The following LRFN2 variants were observed in gnomAD, a reference collection of about 807,000 sequenced individuals.
The protein encoded by LRFN2 is leucine rich repeat and fibronectin type III domain containing 2, also known as leucine-rich repeat and fibronectin type-III domain-containing protein 2.
LRFN2 carries 18 observed loss-of-function variants against 37.3 expected under a neutral mutation model. That is an observed-to-expected ratio of 0.48 (90% CI 0.33 to 0.72). The LOEUF (loss-of-function observed/expected upper bound fraction) is 0.72, where lower values mean the gene tolerates loss of function less well. Among genes scored for constraint, LRFN2 ranks in the 30% least tolerant of loss-of-function variants. LRFN2 has a pLI of 0.02. For synonymous variants in LRFN2, 556 were observed against 466.6 expected, an observed-to-expected ratio of 1.19 and a Z score of -2.47; for missense variants, 1,006 against 1,060.7, an observed-to-expected ratio of 0.95 and a Z score of 0.72.
At chr6:40,480,740 C>G (rs2070298530) in intron 1 of LRFN2, among the ~76,000 whole-genome samples, 2 of 152,166 alleles carry the variant, frequency 1.3e-5, no homozygotes, top group African/African-American at 4.8e-5. Context: ...GAATAAATCC[C>G]TAGCCTGCAG....
chr6:40,459,067 G>T (rs931953083), intron 1 of LRFN2, among the ~76,000 whole-genome samples: 4 of 152,182 alleles, frequency 2.6e-5, no homozygotes, highest in Non-Finnish European at 5.9e-5. Flanking sequence ...TGGTTTCCAA[G>T]AACTCATGAG....
At chr6:40,552,815 G>A (rs933057877) in intron 1 of LRFN2, among the ~76,000 whole-genome samples, 1 of 151,814 alleles carries the variant, frequency 6.6e-6, no homozygotes, top group African/African-American at 2.4e-5. Context: ...GCCAATCTTT[G>A]TCCATAAGCA....
rs1440006437 is a variant in LRFN2, at chr6:40,392,512, T to C, written c.1801A>G (p.Lys601Glu). 3.8e-6 allele frequency: 6 copies of C among 1,587,396 alleles called. No individual in the cohort carries two copies. Among genetic ancestry groups the C allele is most frequent in the Non-Finnish European group, 5.1e-6 (6 of 1,168,946 alleles). The change falls in exon 3 of 3, where the codon AAG becomes GAG. Residue 601 changes from lysine to glutamate, a missense_variant. Physicochemically the swap from Lys to Glu is moderately conservative, Grantham distance 56 (BLOSUM62 1). This residue lies in a region of LRFN2 where 398 missense variants were observed against 327.6 expected (regional missense o/e 1.21). Transcript: ENST00000338305. This position sits in a 1 kb window ranked among gnomAD's most constrained non-coding sequence, Gnocchi z 4.7. The stretch of plus-strand genomic sequence containing the variant: ...AGGAGCTCGTTGCGCACCACCACCT[T>C]CGGCGGGCCCTGCGGCGGGGCCCCG... ...PAGAPPQGPP[K>E]VVVRNELLDF...
At chr6:40,466,261 G>A (rs1764464091) in intron 1 of LRFN2, among the ~76,000 whole-genome samples, 4 of 152,200 alleles carry the variant, frequency 2.6e-5, no homozygotes, top group African/African-American at 4.8e-5. Flanking sequence ...CAGGCAGCAA[G>A]GATAAAGGGA....
Position 40,502,187 on chromosome 6 carries a change from G to T in LRFN2, c.-18-69056C>A, listed in dbSNP as rs1458060363. On this transcript the variant is annotated intron_variant, in intron 1 of 2. Coordinates refer to ENST00000338305, the MANE Select transcript of LRFN2 (RefSeq NM_020737.3). ...GGAGTGTCATTATCCCCACTTTGCT[G>T]GTGAAGAAGATGAAGCCCACAGAAC... is the stretch of plus-strand genomic sequence containing the variant. The T allele has an allele frequency of 2.0e-5, 3 of 152,228 alleles. No homozygotes were observed. The East Asian group carries it at 5.8e-4, about 29-fold the overall frequency. The allele number at this position is 152,228 out of a possible 1,614,324, so 9.4% of individuals were successfully genotyped here.
intron 1 of LRFN2, among the ~76,000 whole-genome samples, chr6:40,504,507 C>T (rs1441695913): frequency 6.6e-6 from 1 of 152,112 alleles, no homozygotes; most frequent in Non-Finnish European, 1.5e-5. Flanking sequence ...ATGGTCATGA[C>T]TCATTATGAG....
intron 1 of LRFN2, among the ~76,000 whole-genome samples, chr6:40,508,600 T>G (rs1218293483): frequency 6.6e-6 from 1 of 152,206 alleles, no homozygotes; most frequent in Non-Finnish European, 1.5e-5. Context: ...TCGAGCAAGG[T>G]ACTTTACTCC....
At chr6:40,475,460 C>T (rs1488834353) in intron 1 of LRFN2, among the ~76,000 whole-genome samples, 1 of 152,124 alleles carries the variant, frequency 6.6e-6, no homozygotes, top group Non-Finnish European at 1.5e-5. Context: ...AGGTCCCAGG[C>T]CTCAGGGGCT....
chr6:40,476,710 G>A (rs1764715452), intron 1 of LRFN2, among the ~76,000 whole-genome samples: 3 of 152,258 alleles, frequency 2.0e-5, no homozygotes, highest in Non-Finnish European at 4.4e-5. Context: ...GGCTCCATGG[G>A]AAGAGGATAC....
In LRFN2 at chr6:40,443,253, C is replaced by T. The variant is rs151031276; in HGVS notation, c.-18-10122G>A. Among the ~76,000 whole-genome samples the T allele has an allele frequency of 3.8e-4, 58 of 152,290 alleles. No individual in the cohort carries two copies. The East Asian group carries it at 9.5e-3, about 25-fold the overall frequency. The stretch of plus-strand genomic sequence containing the variant: ...ACCAAGATACACAGAAACAAGAGGA[C>T]TTTTCAGCTGTGACTACCTTTACTG... On this transcript the variant is annotated intron_variant, in intron 1 of 2. Coordinates refer to ENST00000338305, the MANE Select transcript of LRFN2 (RefSeq NM_020737.3).
chr6:40,457,510 C>T (rs113327442), intron 1 of LRFN2, among the ~76,000 whole-genome samples: 5,499 of 151,958 alleles, frequency 0.036, 337 homozygotes, highest in African/African-American at 0.12. Context: ...CAGTGGCTCA[C>T]ACCTGTAATC....
chr6:40,412,547 C>G (rs1174456054), intron 2 of LRFN2, among the ~76,000 whole-genome samples: 1 of 152,140 alleles, frequency 6.6e-6, no homozygotes, highest in Non-Finnish European at 1.5e-5. Context: ...AGCTTTGCAA[C>G]CCCTAACAGG....
intron 1 of LRFN2, among the ~76,000 whole-genome samples, chr6:40,471,481 A>C (rs887582937): frequency 2.0e-5 from 3 of 152,098 alleles, no homozygotes; most frequent in Non-Finnish European, 4.4e-5. Context: ...CTGCCCTGGG[A>C]GAGGTGGTGT....
chr6:40,465,918 A>T (rs1414562396), intron 1 of LRFN2, among the ~76,000 whole-genome samples: 1 of 152,094 alleles, frequency 6.6e-6, no homozygotes, highest in Non-Finnish European at 1.5e-5. Flanking sequence ...TGGAAAAGAA[A>T]AGGTTGTGGG....
At chr6:40,410,254 T>A (rs752556) in intron 2 of LRFN2, among the ~76,000 whole-genome samples, 124,119 of 152,116 alleles carry the variant, frequency 0.82, 53,019 homozygotes, top group Non-Finnish European at 0.95. Context: ...TTGTTCAGCC[T>A]TGAGCAATTC....
In LRFN2 at chr6:40,392,511, T is replaced by A. The variant is rs780333674; in HGVS notation, c.1802A>T (p.Lys601Met). 1 of 1,587,424 alleles carries A rather than the reference T, an allele frequency of 6.3e-7. No homozygotes were observed. The highest frequency in any genetic ancestry group is 1.3e-5 in the African/African-American group (1 of 74,408). ...CAGGAGCTCGTTGCGCACCACCACC[T>A]TCGGCGGGCCCTGCGGCGGGGCCCC... ...PAGAPPQGPP[K>M]VVVRNELLDF... Residue 601 changes from lysine (K) to methionine (M), a missense_variant, in exon 3 of 3, where the codon AAG becomes ATG. Coordinates refer to ENST00000338305, the MANE Select transcript of LRFN2 (RefSeq NM_020737.3). The surrounding 1 kb of genome is among the most constrained non-coding windows in gnomAD (Gnocchi z 4.7).
chr6:40,577,090 T>C (rs11755036), intron 1 of LRFN2, among the ~76,000 whole-genome samples: 4,119 of 141,150 alleles, frequency 0.029, 143 homozygotes, highest in South Asian at 0.083. Context: ...TTTCTTTTCT[T>C]TTCTTTTCTT....
At chr6:40,466,849 C>A (rs1275330466) in intron 1 of LRFN2, among the ~76,000 whole-genome samples, 1 of 152,052 alleles carries the variant, frequency 6.6e-6, no homozygotes, top group Non-Finnish European at 1.5e-5. Flanking sequence ...AGGTAAGAGT[C>A]TTGAAGAAAT....
intron 2 of LRFN2, among the ~76,000 whole-genome samples, chr6:40,423,767 G>C (rs1175975708): frequency 6.6e-6 from 1 of 152,126 alleles, no homozygotes; most frequent in Non-Finnish European, 1.5e-5. Flanking sequence ...TTGCTTTCTT[G>C]CCCTTCTTGT....
Sources: allele counts gnomAD v4.1 joint callset (sites outside exome capture counted in the v4.1 genomes callset), GRCh38; gene constraint gnomAD v4.1.1; regional missense constraint gnomAD v4.1.1; non-coding constraint Gnocchi (gnomAD v3.1); transcripts MANE v1.5; gene names NCBI Gene and HGNC (gene_info 2026-07-23, HGNC 2026-07-21).